HHLA1: variants seen among roughly 807,000 people sequenced by gnomAD.
HHLA1 encodes the protein HERV-H LTR-associating protein 1.
A neutral mutation model predicts 69.9 loss-of-function variants in HHLA1; 72 were observed. The ratio of observed to expected loss-of-function variants is 1.03; its 90% CI spans 0.85 to 1.25. HHLA1 has a LOEUF of 1.25. Among genes scored for constraint, HHLA1 ranks in the 50% most tolerant of loss-of-function variants. HHLA1 has a pLI of 0.00. For missense variants in HHLA1, 685 were observed against 642.2 expected (o/e 1.07, Z -0.72); for synonymous variants, 252 against 233.2 (o/e 1.08, Z -0.73).
intron 10 of HHLA1, among the ~76,000 whole-genome samples, chr8:132,082,600 CT>C (rs1823775457): frequency 6.6e-6 from 1 of 152,096 alleles, no homozygotes; most frequent in Admixed American, 6.6e-5. Flanking sequence ...GTCTGTGAAG[CT>C]TTGCAGCAGT....
chr8:132,068,309 C>G (rs1823474097), intron 15 of HHLA1, among the ~76,000 whole-genome samples: 1 of 152,204 alleles, frequency 6.6e-6, no homozygotes, highest in African/African-American at 2.4e-5. Flanking sequence ...GAATGAGAAT[C>G]TTGCCTCTAT....
chr8:132,072,863 A>T (rs1034331319), intron 14 of HHLA1, among the ~76,000 whole-genome samples: 4 of 152,202 alleles, frequency 2.6e-5, no homozygotes, highest in Non-Finnish European at 5.9e-5. Flanking sequence ...TAGCAATGTA[A>T]ATGAATTTTG....
intron 14 of HHLA1, among the ~76,000 whole-genome samples, chr8:132,075,749 A>G (rs762917938): frequency 6.6e-6 from 1 of 152,246 alleles, no homozygotes; most frequent in Non-Finnish European, 1.5e-5. Context: ...AGTTCTACAG[A>G]GCTCTATACT....
intron 10 of HHLA1, chr8:132,080,966 A>T (rs1175373792): frequency 6.6e-6 from 1 of 152,148 alleles, no homozygotes; most frequent in Non-Finnish European, 1.5e-5. Flanking sequence ...GAAAAACTAA[A>T]TGGAATAAGA....
At chr8:132,078,210 AC>A (rs1554616697) in intron 11 of HHLA1, among the ~76,000 whole-genome samples, 82 of 141,650 alleles carry the variant, frequency 5.8e-4, no homozygotes, top group African/African-American at 2.2e-3. Context: ...ACACACACAC[AC>A]AACCTCTAAA....
rs992346189 is a variant in HHLA1, at chr8:132,104,075, T to C, written c.139+33A>G. The C allele has an allele frequency of 2.7e-6, 4 of 1,499,274 alleles. No individual in the cohort carries two copies. In the African/African-American group the frequency reaches 4.2e-5, roughly 16 times the overall value. The allele number at this position is 1,499,274 out of a possible 1,614,324, so 92.9% of individuals were successfully genotyped here. A position where few individuals can be genotyped will look rare whatever the true frequency, so the allele number is the denominator to read the frequency against. ...AGTCAAGGAATTTGCCCAAGAACAGTGAGCTGAAAAGGAGCCCTTATCACC... is the reference window on the plus strand; with the variant it reads ...AGTCAAGGAATTTGCCCAAGAACAGCGAGCTGAAAAGGAGCCCTTATCACC... On this transcript the variant is annotated intron_variant, in intron 3 of 16. Coordinates refer to ENST00000414222, the MANE Select transcript of HHLA1 (RefSeq NM_001145095.3).
intron 10 of HHLA1, among the ~76,000 whole-genome samples, chr8:132,084,504 A>C (rs1823825909): frequency 6.6e-6 from 1 of 152,162 alleles, no homozygotes; most frequent in South Asian, 2.1e-4. Flanking sequence ...CTATTTTACG[A>C]CAAGAATTAT....
At chr8:132,095,869 T>A in intron 5 of HHLA1, 83 bp from the exon 6 acceptor site, 1 of 697,942 alleles carries the variant, frequency 1.4e-6, no homozygotes, top group Non-Finnish European at 2.3e-6. Context: ...TCCCTAGAAA[T>A]TAACAATGCC....
intron 1 of HHLA1, among the ~76,000 whole-genome samples, chr8:132,106,209 C>T (rs1415895889): frequency 2.6e-5 from 4 of 151,972 alleles, no homozygotes; most frequent in Admixed American, 1.3e-4. Context: ...GTGAATTGGG[C>T]GGGAAGAAAA....
chr8:132,091,986 G>C (rs1823952816), intron 7 of HHLA1, among the ~76,000 whole-genome samples: 2 of 152,146 alleles, frequency 1.3e-5, no homozygotes, highest in Non-Finnish European at 2.9e-5. Flanking sequence ...TGAGGAATTA[G>C]CCAAGTTTCC....
chr8:132,076,140 C>T lies in HHLA1; in HGVS notation c.1241-11G>A, dbSNP rs763766003. On this transcript the variant is annotated splice_polypyrimidine_tract_variant and intron_variant, in intron 13 of 16. Transcript: ENST00000414222. ...CTGCAGAGAGATCACCTGCAAAGGG[C>T]AGGAATGGCCTTCCAGAAGTCAGAA... 4.8e-5 allele frequency: 74 copies of T among 1,545,784 alleles called. 1 individual carries two copies. The South Asian group carries it at 8.5e-4, about 18-fold the overall frequency.
intron 10 of HHLA1, among the ~76,000 whole-genome samples, chr8:132,085,074 C>T (rs571208630): frequency 1.3e-5 from 2 of 151,958 alleles, no homozygotes; most frequent in African/African-American, 2.4e-5. Context: ...AGTACTTGCC[C>T]CTTCCCCAGA....
chr8:132,098,885 T>A lies in HHLA1; in HGVS notation c.277A>T (p.Lys93Ter). Residue 93 changes from lysine to a stop codon, truncating the protein, a stop_gained, in exon 5 of 17, where the codon AAA becomes TAA. Coordinates refer to ENST00000414222, the MANE Select transcript of HHLA1 (RefSeq NM_001145095.3). LOFTEE classifies it high-confidence loss of function. ...LVNGMLSRAL[K>*]DSKKFFSLLS... ...TGTGCTTTTAAAATATGATTACCTT[T>A]TAACGCTCTACTGAGCATCCCATTC... 1.3e-6 allele frequency: 2 copies of A among 1,546,788 alleles called. No individual in the cohort carries two copies. The highest frequency in any genetic ancestry group is 1.8e-6 in the Non-Finnish European group (2 of 1,142,780).
rs1308787821 is a variant in HHLA1, at chr8:132,083,723, T to C, written c.677-3757A>G. 3.9e-5 allele frequency among the ~76,000 whole-genome samples: 6 copies of C among 152,262 alleles called. No homozygotes were observed. The East Asian group carries it at 1.2e-3, about 29-fold the overall frequency. On this transcript the variant is annotated intron_variant, in intron 10 of 16. Transcript: ENST00000414222. ...GTAGCAAGCTCCTGTGGGAGGAGGTTCTGGAGGAACGCCTGGCCGCTGCGG... is the reference window on the plus strand; with the variant it reads ...GTAGCAAGCTCCTGTGGGAGGAGGTCCTGGAGGAACGCCTGGCCGCTGCGG...
At chr8:132,065,336 C>T (rs1237766849) in intron 16 of HHLA1, among the ~76,000 whole-genome samples, 1 of 152,188 alleles carries the variant, frequency 6.6e-6, no homozygotes, top group Non-Finnish European at 1.5e-5. Flanking sequence ...GGCTGGAGTG[C>T]AGTGGTGCAA....
chr8:132,070,507 A>C, intron 15 of HHLA1: 1 of 631,916 alleles, frequency 1.6e-6, no homozygotes, highest in East Asian at 2.7e-5. Context: ...TCTACTTAAC[A>C]TGACACAAGT....
chr8:132,091,489 C>T (rs1823944764), intron 7 of HHLA1, among the ~76,000 whole-genome samples: 1 of 152,214 alleles, frequency 6.6e-6, no homozygotes, highest in South Asian at 2.1e-4. Flanking sequence ...CTCATGAAAC[C>T]TCTTGCTCAA....
intron 3 of HHLA1, among the ~76,000 whole-genome samples, chr8:132,101,495 C>T (rs926664241): frequency 6.6e-6 from 1 of 152,072 alleles, no homozygotes; most frequent in Non-Finnish European, 1.5e-5. Flanking sequence ...GTTCTTCTCC[C>T]TCACTTCTTT....
intron 12 of HHLA1, among the ~76,000 whole-genome samples, chr8:132,077,445 T>C (rs972553953): frequency 6.6e-5 from 10 of 151,968 alleles, no homozygotes; most frequent in African/African-American, 1.9e-4. Context: ...TACTGCTTGT[T>C]AATGGACAAT....
Sources: gnomAD v4.1 joint callset for allele counts (sites outside exome capture counted in the v4.1 genomes callset) on GRCh38, gnomAD v4.1.1 for gene constraint, MANE v1.5 for transcripts, NCBI Gene and HGNC (gene_info 2026-07-23, HGNC 2026-07-21) for gene names.